The following KCNQ5 variants were observed in gnomAD, a reference collection of about 807,000 sequenced individuals.
The protein encoded by KCNQ5 is potassium voltage-gated channel subfamily Q member 5, also known as potassium voltage-gated channel subfamily KQT member 5.
In KCNQ5, 30 loss-of-function variants were observed where a neutral mutation model predicts 98.2. The ratio of observed to expected loss-of-function variants is 0.31; its 90% CI spans 0.23 to 0.41. The LOEUF is 0.41. Among genes scored for constraint, KCNQ5 ranks in the 10% least tolerant of loss-of-function variants. KCNQ5 has a pLI of 1.00. For missense variants in KCNQ5, 835 were observed against 1,182.5 expected, an observed-to-expected ratio of 0.71 and a Z score of 4.31; for synonymous variants, 458 against 449.4, an observed-to-expected ratio of 1.02 and a Z score of -0.24.
intron 7 of KCNQ5, among the ~76,000 whole-genome samples, chr6:73,116,069 A>G (rs1240760645): frequency 2.0e-5 from 3 of 152,248 alleles, no homozygotes; most frequent in Non-Finnish European, 4.4e-5. Flanking sequence ...ACAGGTACAT[A>G]TATGCAAATC....
At chr6:73,012,468 A>T (rs1770112722) in intron 2 of KCNQ5, among the ~76,000 whole-genome samples, 1 of 152,088 alleles carries the variant, frequency 6.6e-6, no homozygotes, top group African/African-American at 2.4e-5. Flanking sequence ...GGCTGTAGGG[A>T]TCAGGGAATA....
At chr6:73,134,698 C>T (rs1294211344) in intron 10 of KCNQ5, 1 of 152,456 alleles carries the variant, frequency 6.6e-6, no homozygotes, top group African/African-American at 2.4e-5. Context: ...TTCAGGGCGA[C>T]CCCTAGTGGC....
intron 1 of KCNQ5, among the ~76,000 whole-genome samples, chr6:72,673,302 A>AAG (rs1157367746): frequency 4.6e-5 from 7 of 152,176 alleles, no homozygotes; most frequent in African/African-American, 1.7e-4. Context: ...CTTACAGAAG[A>AAG]AGAAGCAAGC....
chr6:72,901,656 G>GT (rs1263575583), intron 1 of KCNQ5, among the ~76,000 whole-genome samples: 2 of 152,136 alleles, frequency 1.3e-5, no homozygotes, highest in East Asian at 3.9e-4. Context: ...TCAGTTAGCT[G>GT]TAAGTATCTG....
chr6:72,737,059 C>G (rs891270902), intron 1 of KCNQ5, among the ~76,000 whole-genome samples: 6 of 152,068 alleles, frequency 3.9e-5, no homozygotes, highest in African/African-American at 1.4e-4. Flanking sequence ...CTCCCGGGTT[C>G]AAGTGATTCT....
At chr6:73,042,313 A>T in intron 3 of KCNQ5, 1 of 492,926 alleles carries the variant, frequency 2.0e-6, no homozygotes, top group Non-Finnish European at 3.7e-6. Flanking sequence ...TTAGTTGCTG[A>T]ATGTCATACA....
At chr6:73,016,570 C>T (rs1219284018) in intron 2 of KCNQ5, among the ~76,000 whole-genome samples, 1 of 152,006 alleles carries the variant, frequency 6.6e-6, no homozygotes. Context: ...AGACAATATG[C>T]AGGACCTGAC....
intron 1 of KCNQ5, among the ~76,000 whole-genome samples, chr6:72,852,994 C>A (rs55831794): frequency 0.01 from 1,546 of 152,010 alleles, 29 homozygotes; most frequent in African/African-American, 0.035. Context: ...AGTATTTATA[C>A]CATGGAAAAT....
intron 10 of KCNQ5, among the ~76,000 whole-genome samples, chr6:73,139,431 G>A (rs966100908): frequency 5.3e-5 from 8 of 152,178 alleles, no homozygotes; most frequent in Non-Finnish European, 1.2e-4. Flanking sequence ...ACTTTCCATA[G>A]TATAATATTT....
intron 10 of KCNQ5, among the ~76,000 whole-genome samples, chr6:73,149,819 A>G (rs1264611666): frequency 6.8e-6 from 1 of 146,304 alleles, no homozygotes; most frequent in African/African-American, 2.7e-5. Flanking sequence ...AGAGAGAGAG[A>G]GAGAGAGGGA....
chr6:72,980,036 T>A lies in KCNQ5; in HGVS notation c.399-23872T>A, dbSNP rs1562107529. Reference sequence around the variant, plus strand: ...CTCTGTTCTGTTCCATTGGTCTCTATCTCTGTTTTGGTACCAGTACCATGC... The same window carrying A: ...CTCTGTTCTGTTCCATTGGTCTCTAACTCTGTTTTGGTACCAGTACCATGC... On this transcript the variant is annotated intron_variant, in intron 1 of 13. Coordinates refer to ENST00000370398, the MANE Select transcript of KCNQ5 (RefSeq NM_019842.4). Among the ~76,000 whole-genome samples, 9 of 152,320 alleles carry A rather than the reference T, an allele frequency of 5.9e-5. No individual in the cohort carries two copies. In the South Asian group the frequency reaches 1.5e-3, roughly 25 times the overall value.
intron 1 of KCNQ5, among the ~76,000 whole-genome samples, chr6:72,760,352 AC>A (rs34586757): frequency 0.13 from 19,562 of 152,106 alleles, 1,375 homozygotes; most frequent in South Asian, 0.17. Flanking sequence ...GCTTGTCAGC[AC>A]CTGAACAATG....
chr6:73,157,979 C>T, intron 10 of KCNQ5: 1 of 756,850 alleles, frequency 1.3e-6, no homozygotes, highest in East Asian at 2.5e-5. Context: ...CTTCATACCC[C>T]TTGAACGGCC....
chr6:73,091,411 T>G (rs1445971702), intron 5 of KCNQ5, among the ~76,000 whole-genome samples: 1 of 152,118 alleles, frequency 6.6e-6, no homozygotes, highest in Non-Finnish European at 1.5e-5. Context: ...ATATTGCACA[T>G]GTATACCTAG....
At chr6:73,028,383 T>A (rs1218113213) in intron 2 of KCNQ5, among the ~76,000 whole-genome samples, 1 of 152,198 alleles carries the variant, frequency 6.6e-6, no homozygotes, top group Non-Finnish European at 1.5e-5. Context: ...CAAGAGTTGT[T>A]TCCTTTACAG....
chr6:73,111,910 T>C (rs1775257093), intron 7 of KCNQ5, among the ~76,000 whole-genome samples: 1 of 152,236 alleles, frequency 6.6e-6, no homozygotes, highest in Non-Finnish European at 1.5e-5. Flanking sequence ...CTATCCTATT[T>C]TGAGAGCTGA....
chr6:73,190,785 C>A (rs1765564958), intron 12 of KCNQ5, 81 bp downstream of exon 12: 1 of 795,436 alleles, frequency 1.3e-6, no homozygotes, highest in Non-Finnish European at 1.8e-6. Context: ...GTAGAGTAAA[C>A]CTCTGAACTC....
intron 1 of KCNQ5, among the ~76,000 whole-genome samples, chr6:72,961,253 A>T (rs886741038): frequency 6.6e-6 from 1 of 152,214 alleles, no homozygotes; most frequent in Non-Finnish European, 1.5e-5. Context: ...CACAAAATAC[A>T]CATTTATAAT....
At chr6:73,032,908 T>C (rs1340171540) in intron 2 of KCNQ5, among the ~76,000 whole-genome samples, 1 of 152,062 alleles carries the variant, frequency 6.6e-6, no homozygotes, top group Non-Finnish European at 1.5e-5. Flanking sequence ...ACTTCACCTG[T>C]GGCAGGTGAA....
Sources: allele counts gnomAD v4.1 joint callset (sites outside exome capture counted in the v4.1 genomes callset), GRCh38; gene constraint gnomAD v4.1.1; transcripts MANE v1.5; gene names NCBI Gene and HGNC (gene_info 2026-07-23, HGNC 2026-07-21).